Variants in GPC5 observed in about 807,000 individuals in gnomAD.
GPC5 encodes the protein glypican-5.
Under a neutral mutation model 53.9 loss-of-function variants are expected in GPC5, and 47 were observed. The ratio of observed to expected loss-of-function variants is 0.87; its 90% CI spans 0.69 to 1.11. The LOEUF is 1.11. GPC5 is among the 50% of genes most tolerant of loss of function. The pLI is 0.00. For missense variants in GPC5, 748 were observed against 713.1 expected, an observed-to-expected ratio of 1.05 and a Z score of -0.56; for synonymous variants, 286 against 263.3, an observed-to-expected ratio of 1.09 and a Z score of -0.84.
intron 2 of GPC5, among the ~76,000 whole-genome samples, chr13:91,558,878 C>T (rs944814761): frequency 6.6e-6 from 1 of 152,026 alleles, no homozygotes; most frequent in African/African-American, 2.4e-5. Flanking sequence ...TTATTGAGTG[C>T]TTTGCCTTAG....
intron 4 of GPC5, among the ~76,000 whole-genome samples, chr13:91,752,647 GCT>G (rs766803370): frequency 1.3e-5 from 2 of 151,992 alleles, no homozygotes; most frequent in Non-Finnish European, 2.9e-5. Flanking sequence ...TTCACTTTCA[GCT>G]CTTTTTGGCT....
chr13:92,475,682 A>C (rs1207178390), intron 7 of GPC5, among the ~76,000 whole-genome samples: 1 of 152,154 alleles, frequency 6.6e-6, no homozygotes, highest in Non-Finnish European at 1.5e-5. Flanking sequence ...CTGGTACCAA[A>C]ACAGAGATAT....
intron 7 of GPC5, among the ~76,000 whole-genome samples, chr13:92,505,604 G>C (rs932794362): frequency 2.0e-5 from 3 of 151,976 alleles, no homozygotes; most frequent in Non-Finnish European, 2.9e-5. Context: ...CAATCCCACT[G>C]CTTGGTGTTT....
chr13:91,730,293 G>T (rs1269070826), intron 4 of GPC5, among the ~76,000 whole-genome samples: 1 of 152,150 alleles, frequency 6.6e-6, no homozygotes, highest in Non-Finnish European at 1.5e-5. Context: ...CTCATCAACT[G>T]ATTATTCCCC....
intron 6 of GPC5, among the ~76,000 whole-genome samples, chr13:91,975,358 T>G (rs886715104): frequency 3.9e-5 from 6 of 152,022 alleles, no homozygotes; most frequent in East Asian, 3.9e-4. Context: ...AGAAAATTTT[T>G]GCAACCTACT....
At chr13:92,734,898 G>A (rs1302060452) in intron 7 of GPC5, among the ~76,000 whole-genome samples, 1 of 151,688 alleles carries the variant, frequency 6.6e-6, no homozygotes. Flanking sequence ...AAATTATTAA[G>A]CCATTCAAAC....
chr13:92,115,130 A>G (rs940728525), intron 6 of GPC5, among the ~76,000 whole-genome samples: 2 of 152,230 alleles, frequency 1.3e-5, no homozygotes, highest in African/African-American at 2.4e-5. Context: ...TGTGATTTAT[A>G]TAGGATAAAA....
At chr13:92,401,948 G>A (rs1320195603) in intron 7 of GPC5, among the ~76,000 whole-genome samples, 1 of 152,074 alleles carries the variant, frequency 6.6e-6, no homozygotes, top group Non-Finnish European at 1.5e-5. Context: ...TAGGTTTGTA[G>A]GAAGAATAAT....
At chr13:91,898,500 G>A (rs912244865) in intron 5 of GPC5, among the ~76,000 whole-genome samples, 9 of 152,038 alleles carry the variant, frequency 5.9e-5, no homozygotes, top group Admixed American at 4.6e-4. Context: ...TTGTTTTATA[G>A]TGCTTGTGCC....
At chr13:92,522,609 G>A (rs927598347) in intron 7 of GPC5, among the ~76,000 whole-genome samples, 3 of 152,038 alleles carry the variant, frequency 2.0e-5, no homozygotes, top group African/African-American at 4.8e-5. Flanking sequence ...CACACACTGG[G>A]GCCTGTTGTG....
intron 5 of GPC5, among the ~76,000 whole-genome samples, chr13:91,833,671 G>T (rs900128277): frequency 2.0e-5 from 3 of 152,054 alleles, no homozygotes; most frequent in African/African-American, 7.2e-5. Context: ...TGCAGAAAAA[G>T]TCTTCGACAA....
chr13:92,072,085 T>G (rs2041216378), intron 6 of GPC5, among the ~76,000 whole-genome samples: 1 of 146,112 alleles, frequency 6.8e-6, no homozygotes, highest in South Asian at 2.1e-4. Context: ...AAATATATAA[T>G]TATATATAAT....
intron 2 of GPC5, among the ~76,000 whole-genome samples, chr13:91,628,347 A>G (rs1342815803): frequency 1.3e-5 from 2 of 152,126 alleles, no homozygotes; most frequent in Non-Finnish European, 2.9e-5. Context: ...GAATGACATT[A>G]AATGCAGTTA....
At chr13:92,465,580 A>T (rs1244875617) in intron 7 of GPC5, among the ~76,000 whole-genome samples, 1 of 152,070 alleles carries the variant, frequency 6.6e-6, no homozygotes, top group Non-Finnish European at 1.5e-5. Flanking sequence ...CTTGAAAACC[A>T]AACCATGTGT....
intron 5 of GPC5, among the ~76,000 whole-genome samples, chr13:91,832,912 T>C (rs4331227): frequency 0.3 from 45,921 of 151,692 alleles, 8,740 homozygotes; most frequent in East Asian, 0.64. Flanking sequence ...CTGAAGGAGA[T>C]AGAGACACGA....
intron 5 of GPC5, among the ~76,000 whole-genome samples, chr13:91,773,009 A>G (rs1247720572): frequency 6.6e-6 from 1 of 152,192 alleles, no homozygotes; most frequent in African/African-American, 2.4e-5. Context: ...TGATATGACT[A>G]ATCTTACTGT....
chr13:91,954,997 T>C (rs2040060462), intron 6 of GPC5, among the ~76,000 whole-genome samples: 1 of 152,272 alleles, frequency 6.6e-6, no homozygotes, highest in East Asian at 1.9e-4. Flanking sequence ...GCCATTAAAA[T>C]ATCAGATAAT....
chr13:91,744,774 ATATCT>A (rs1463479228), intron 4 of GPC5, among the ~76,000 whole-genome samples: 1 of 152,128 alleles, frequency 6.6e-6, no homozygotes, highest in Non-Finnish European at 1.5e-5. Flanking sequence ...GCCACAGAAA[ATATCT>A]TATTGCCAAA....
At chr13:91,665,801 G>T (rs542017411) in intron 2 of GPC5, among the ~76,000 whole-genome samples, 1 of 152,122 alleles carries the variant, frequency 6.6e-6, no homozygotes, top group Non-Finnish European at 1.5e-5. Context: ...CAAGGCGCCT[G>T]GCCAAAGACA....
Sources: allele counts gnomAD v4.1 joint callset (sites outside exome capture counted in the v4.1 genomes callset), GRCh38; gene constraint gnomAD v4.1.1; transcripts MANE v1.5; gene names NCBI Gene and HGNC (gene_info 2026-07-23, HGNC 2026-07-21).